ARG1: variants seen among roughly 807,000 people sequenced by gnomAD.
ARG1 encodes arginase-1.
Under a neutral mutation model 33.0 loss-of-function variants are expected in ARG1, and 20 were observed. That is an observed-to-expected ratio of 0.61 (90% CI 0.43 to 0.88). The LOEUF (loss-of-function observed/expected upper bound fraction) is 0.88, where lower values mean the gene tolerates loss of function less well. ARG1 is among the 40% of genes least tolerant of loss of function. The pLI is 0.00. For missense variants in ARG1, 374 were observed against 384.7 expected (o/e 0.97, Z 0.23); for synonymous variants, 146 against 140.6 (o/e 1.04, Z -0.27).
At chr6:131,582,342 T>C (rs1036530450) in intron 4 of ARG1, among the ~76,000 whole-genome samples, 2 of 152,084 alleles carry the variant, frequency 1.3e-5, no homozygotes, top group African/African-American at 2.4e-5. Flanking sequence ...ACCAAAGTAA[T>C]GGGAGCACAA....
rs1554250402 is a variant in ARG1 at position 131,578,780 on chromosome 6, C to CAG, written c.131-325_131-324dup. ...TAAAAAGCACATAAGCAGAGAGAGA[C>CAG]AGAGAGACAGAGACAGAGACAGTGG... On this transcript the variant is annotated intron_variant, in intron 2 of 7. Coordinates refer to ENST00000368087, the MANE Select transcript of ARG1 (RefSeq NM_000045.4). Among the ~76,000 whole-genome samples the CAG allele has an allele frequency of 2.0e-5, 3 of 151,460 alleles. No homozygotes were observed. In the South Asian group the frequency reaches 6.2e-4, roughly 31 times the overall value.
At chr6:131,582,093 C>T (rs1243035617) in intron 4 of ARG1, among the ~76,000 whole-genome samples, 1 of 152,100 alleles carries the variant, frequency 6.6e-6, no homozygotes, top group Non-Finnish European at 1.5e-5. Context: ...TTAAAACCTC[C>T]TTATGTTAAA....
At chr6:131,579,463 A>G in intron 3 of ARG1, 178 bp downstream of exon 3, 1 of 596,778 alleles carries the variant, frequency 1.7e-6, no homozygotes, top group Non-Finnish European at 2.8e-6. Context: ...ACTTCGCTCA[A>G]TTTGAAGTCT....
At chr6:131,574,077 C>G in intron 1 of ARG1, 1 of 616,406 alleles carries the variant, frequency 1.6e-6, no homozygotes, top group Non-Finnish European at 2.9e-6. Flanking sequence ...TTTTTTCTGC[C>G]TGGGCACACT....
intron 2 of ARG1, 116 bp downstream of exon 2, chr6:131,576,851 G>A: frequency 1.1e-6 from 1 of 898,670 alleles, no homozygotes; most frequent in East Asian, 2.7e-5. Context: ...TGCGGTACTG[G>A]TTACAACCCG....
chr6:131,582,602 G>C lies in ARG1; in HGVS notation c.466-19G>C. On this transcript the variant is annotated intron_variant, in intron 4 of 7. Transcript: ENST00000368087. Reference sequence around the variant, plus strand: ...TCAAGAGAATCATACATAACCAAGTGAAAACATTGTAATTTTAGATTCCCG... The same window carrying C: ...TCAAGAGAATCATACATAACCAAGTCAAAACATTGTAATTTTAGATTCCCG... 6.3e-7 allele frequency: 1 copy of C among 1,596,978 alleles called. No homozygotes were observed.
chr6:131,578,464 G>A (rs1773740193), intron 2 of ARG1, among the ~76,000 whole-genome samples: 1 of 152,136 alleles, frequency 6.6e-6, no homozygotes, highest in East Asian at 1.9e-4. Context: ...CAGTCCTTAG[G>A]AATTTGGGGT....
rs1773983345 is a variant in ARG1 at position 131,582,607 on chromosome 6, C to T, written c.466-14C>T. 1.5e-5 allele frequency: 24 copies of T among 1,602,932 alleles called. No homozygotes were observed. The African/African-American group carries it at 1.6e-4, about 11-fold the overall frequency. On this transcript the variant is annotated splice_polypyrimidine_tract_variant and intron_variant, in intron 4 of 7. Coordinates refer to ENST00000368087, the MANE Select transcript of ARG1 (RefSeq NM_000045.4). ...AGAATCATACATAACCAAGTGAAAA[C>T]ATTGTAATTTTAGATTCCCGATGTG... is the stretch of plus-strand genomic sequence containing the variant.
chr6:131,580,477 A>T (rs1350967873), intron 3 of ARG1, among the ~76,000 whole-genome samples: 1 of 152,234 alleles, frequency 6.6e-6, no homozygotes, highest in Non-Finnish European at 1.5e-5. Flanking sequence ...ATTGTATAGT[A>T]CTAGCTTGGT....
intron 2 of ARG1, among the ~76,000 whole-genome samples, chr6:131,577,150 G>C (rs995575309): frequency 1.3e-5 from 2 of 152,234 alleles, no homozygotes; most frequent in Admixed American, 1.3e-4. Flanking sequence ...TGTGGGCGCA[G>C]TGTGTATATA....
In ARG1 at chr6:131,581,314, C is replaced by A; in HGVS notation, c.401C>A (p.Thr134Lys). 1 of 1,613,910 alleles carries A rather than the reference C, an allele frequency of 6.2e-7. No homozygotes were observed. The change falls in exon 4 of 8, where the codon ACA becomes AAA. Residue 134 changes from threonine to lysine, a missense_variant. Transcript: ENST00000368087. Reference sequence around the variant, plus strand: ...CACACTGATATCAACACTCCACTGACAACCACAAGTGGAAACTTGCATGGA... The same window carrying A: ...CACACTGATATCAACACTCCACTGAAAACCACAAGTGGAAACTTGCATGGA... ...DAHTDINTPL[T>K]TTSGNLHGQP...
At chr6:131,574,053 C>T (rs1052309133) in intron 1 of ARG1, 3 of 574,040 alleles carry the variant, frequency 5.2e-6, no homozygotes, top group Non-Finnish European at 9.4e-6. Context: ...ATGCCAGCAA[C>T]ATTGAATACA....
chr6:131,573,372 A>G (rs1773470095), intron 1 of ARG1, 33 bp downstream of exon 1: 2 of 1,610,644 alleles, frequency 1.2e-6, no homozygotes, highest in Non-Finnish European at 1.7e-6. Context: ...GAATTCCTGG[A>G]ATTTAGTTGA....
chr6:131,583,521 C>G (rs1562361562), intron 7 of ARG1, 30 bp downstream of exon 7: 2 of 1,611,550 alleles, frequency 1.2e-6, no homozygotes, highest in African/African-American at 1.3e-5. Flanking sequence ...AATAGAGAAG[C>G]AAGTGTACAC....
chr6:131,580,049 C>G (rs1203001742), intron 3 of ARG1, among the ~76,000 whole-genome samples: 2 of 152,266 alleles, frequency 1.3e-5, no homozygotes, highest in African/African-American at 4.8e-5. Flanking sequence ...TTATAATTTT[C>G]ACCATTACAA....
At position 131,579,104 on chromosome 6, in the gene ARG1, A is replaced by T. The variant is rs766715122; in HGVS notation, c.131-7A>T. ...TAATTTAGTAACTCAAAACTTTTTA[A>T]TTTTAGAGTGTGATGTGAAGGATTA... On this transcript the variant is annotated splice_polypyrimidine_tract_variant and splice_region_variant and intron_variant, in intron 2 of 7. Coordinates refer to ENST00000368087, the MANE Select transcript of ARG1 (RefSeq NM_000045.4). 11 of 1,613,932 alleles carry T rather than the reference A, an allele frequency of 6.8e-6. No homozygotes were observed. Among genetic ancestry groups the T allele is most frequent in the Non-Finnish European group, 9.3e-6 (11 of 1,179,906 alleles).
At chr6:131,574,298 G>A (rs753875123) in intron 1 of ARG1, 1 of 1,613,862 alleles carries the variant, frequency 6.2e-7, no homozygotes, top group Non-Finnish European at 8.5e-7. Flanking sequence ...ACTTTTTACT[G>A]CAAAACAAAT....
In ARG1 at chr6:131,575,070, T is replaced by C. The variant is rs564014633; in HGVS notation, c.58-1593T>C. Among the ~76,000 whole-genome samples, 4 of 152,200 alleles carry C rather than the reference T, an allele frequency of 2.6e-5. No homozygotes were observed. In the South Asian group the frequency reaches 6.2e-4, roughly 24 times the overall value. ...CAAAGCAATTTCCAAAGTGGGCAGA[T>C]AGAGCAAGCAAGAGGAAAGCCCAAT... is the stretch of plus-strand genomic sequence containing the variant. On this transcript the variant is annotated intron_variant, in intron 1 of 7. Transcript: ENST00000368087.
chr6:131,583,058 A>G lies in ARG1; in HGVS notation c.561-2A>G, dbSNP rs2114547605. 1 of 1,605,090 alleles carries G rather than the reference A, an allele frequency of 6.2e-7. No individual in the cohort carries two copies. On this transcript the variant is annotated splice_acceptor_variant, in intron 5 of 7. Transcript: ENST00000368087. LOFTEE classifies it high-confidence loss of function. ...ATAATTATCTTAATTTCTCTTTTAT[A>G]GCTACATTTTGAAAACTCTAGGCAT...
Sources: gnomAD v4.1 joint callset for allele counts (sites outside exome capture counted in the v4.1 genomes callset) on GRCh38, gnomAD v4.1.1 for gene constraint, MANE v1.5 for transcripts, NCBI Gene and HGNC (gene_info 2026-07-23, HGNC 2026-07-21) for gene names.